The following NCOR1 variants were observed in gnomAD, a reference collection of about 807,000 sequenced individuals.
NCOR1 encodes nuclear receptor corepressor 1, also known as protein phosphatase 1, regulatory subunit 109.
NCOR1 carries 63 observed loss-of-function variants against 288.1 expected under a neutral mutation model. The observed-to-expected ratio is 0.22, with a 90% CI of 0.18 to 0.27. NCOR1 has a LOEUF of 0.27. Among genes scored for constraint, NCOR1 ranks in the 10% least tolerant of loss-of-function variants. NCOR1 has a pLI of 1.00. For synonymous variants in NCOR1, 1,007 were observed against 1,065.9 expected, an observed-to-expected ratio of 0.94 and a Z score of 1.08; for missense variants, 2,397 against 3,019.2, an observed-to-expected ratio of 0.79 and a Z score of 4.83.
intron 9 of NCOR1, among the ~76,000 whole-genome samples, chr17:16,148,914 T>C (rs915018756): frequency 6.6e-5 from 10 of 152,102 alleles, no homozygotes; most frequent in African/African-American, 1.2e-4. Flanking sequence ...GTAAAATTAG[T>C]ATAAACATAT....
chr17:16,138,277 A>C (rs2153252064), intron 12 of NCOR1, 65 bp from the exon 13 acceptor site: 1 of 1,382,120 alleles, frequency 7.2e-7, no homozygotes, highest in Non-Finnish European at 1.0e-6. Context: ...AAAAAAAAAA[A>C]CTTGGGAAAA....
chr17:16,046,927 G>A lies in NCOR1; in HGVS notation c.6679+24C>T, dbSNP rs545711756. On this transcript the variant is annotated intron_variant, in intron 42 of 45. Transcript: ENST00000268712. ...ATTATTAATGCATGTTTTATTTGGG[G>A]TTCATGAAAGAAATCCCACTTACCC... 14 of 1,610,790 alleles carry A rather than the reference G, an allele frequency of 8.7e-6. No individual in the cohort carries two copies. In the East Asian group the frequency reaches 3.1e-4, roughly 36 times the overall value.
At chr17:16,133,785 G>C (rs1200037081) in intron 14 of NCOR1, among the ~76,000 whole-genome samples, 1 of 152,090 alleles carries the variant, frequency 6.6e-6, no homozygotes, top group East Asian at 1.9e-4. Context: ...TCCTCCTTCA[G>C]TCATGCCTGT....
intron 2 of NCOR1, among the ~76,000 whole-genome samples, chr17:16,188,468 G>A (rs1259789029): frequency 6.6e-6 from 1 of 151,708 alleles, no homozygotes; most frequent in East Asian, 1.9e-4. Flanking sequence ...AAAATTAGCT[G>A]GGCGTGGTGG....
At chr17:16,181,903 A>T (rs1295825508) in intron 3 of NCOR1, among the ~76,000 whole-genome samples, 2 of 152,180 alleles carry the variant, frequency 1.3e-5, no homozygotes, top group African/African-American at 4.8e-5. Context: ...TCATGTCAAT[A>T]CTGAAAAAAG....
At chr17:16,103,383 T>C (rs188565023) in intron 19 of NCOR1, among the ~76,000 whole-genome samples, 1 of 152,372 alleles carries the variant, frequency 6.6e-6, no homozygotes, top group South Asian at 2.1e-4. Context: ...CTTCAGACCA[T>C]TCTTTACAAC....
chr17:16,178,516 AAAAAAG>A (rs1204339854), intron 3 of NCOR1, among the ~76,000 whole-genome samples: 3 of 150,392 alleles, frequency 2.0e-5, no homozygotes, highest in Non-Finnish European at 4.4e-5. Flanking sequence ...AAAAAAAAAA[AAAAAAG>A]AATAGAATAA....
Position 16,175,082 on chromosome 17 carries a change from G to C in NCOR1, c.243-3087C>G, listed in dbSNP as rs1335359339. Among the ~76,000 whole-genome samples, 6 of 151,792 alleles carry C rather than the reference G, an allele frequency of 4.0e-5. No individual in the cohort carries two copies. The East Asian group carries it at 1.2e-3, about 29-fold the overall frequency. On this transcript the variant is annotated intron_variant, in intron 3 of 45. Transcript: ENST00000268712. ...CAAATTTTCACATAAAGAAATCTTT[G>C]TAGGGCAAGATGCCGTGGCTCACGC...
In NCOR1 at chr17:16,034,854, C is replaced by T. The variant is rs775915024; in HGVS notation, c.7046G>A (p.Arg2349Gln). 2.5e-6 allele frequency: 4 copies of T among 1,614,034 alleles called. No individual in the cohort carries two copies. The highest frequency in any genetic ancestry group is 2.2e-5 in the South Asian group (2 of 91,078). ...ATGTACAGAGGAGACTGAAGAGGGCCGTTCCGTTCCTAAGTAGCCTTGCCC... is the reference window on the plus strand; with the variant it reads ...ATGTACAGAGGAGACTGAAGAGGGCTGTTCCGTTCCTAAGTAGCCTTGCCC... The part of the protein sequence containing the change: ...IPGQGYLGTE[R>Q]PSSVSSVHSE... The change falls in exon 45 of 46, where the codon CGG (arginine) becomes CAG (glutamine). Residue 2349 changes from arginine to glutamine, a missense_variant. Arg to Gln is a conservative substitution (Grantham distance 43). This residue lies in a region of NCOR1 where 1,872 missense variants were observed against 2,187.8 expected (regional missense o/e 0.86). Coordinates refer to ENST00000268712, the MANE Select transcript of NCOR1 (RefSeq NM_006311.4).
rs1484127981 is a variant in NCOR1, at chr17:16,029,223, CGTT to C, written c.*3070_*3072del. On this transcript the variant is annotated 3_prime_UTR_variant, in exon 46 of 46. Coordinates refer to ENST00000268712, the MANE Select transcript of NCOR1 (RefSeq NM_006311.4). ...TCCACAGTGACTCAGCTCATGGTCTCGTTGTTGGAAACACTAGGAGTTTTCAGG... is the reference window on the plus strand; with the variant it reads ...TCCACAGTGACTCAGCTCATGGTCTCGTTGGAAACACTAGGAGTTTTCAGG... 10 of 453,838 alleles carry C rather than the reference CGTT, an allele frequency of 2.2e-5. No individual in the cohort carries two copies. In the East Asian group the frequency reaches 3.5e-4, roughly 16 times the overall value. The allele number at this position is 453,838 out of a possible 1,614,324, so 28.1% of individuals were successfully genotyped here. A position where few individuals can be genotyped will look rare whatever the true frequency, so the allele number is the denominator to read the frequency against.
chr17:16,093,825 C>A (rs2065844923), intron 21 of NCOR1, among the ~76,000 whole-genome samples: 1 of 152,174 alleles, frequency 6.6e-6, no homozygotes, highest in South Asian at 2.1e-4. Context: ...AGAAGACACT[C>A]CCTCTTCTCC....
At chr17:16,071,985 A>G (rs2061811505) in intron 29 of NCOR1, among the ~76,000 whole-genome samples, 160 bp downstream of exon 29, 1 of 152,238 alleles carries the variant, frequency 6.6e-6, no homozygotes, top group South Asian at 2.1e-4. Flanking sequence ...TCATCTTCCA[A>G]TAAATTATGT....
At chr17:16,034,654 TG>T in intron 45 of NCOR1, 110 bp downstream of exon 45, 2 of 957,806 alleles carry the variant, frequency 2.1e-6, no homozygotes, top group Non-Finnish European at 1.6e-6. Context: ...GATACAGAAA[TG>T]GGAATATAGG....
chr17:16,034,933 T>G lies in NCOR1; in HGVS notation c.6967A>C (p.Lys2323Gln), dbSNP rs1420928188. The part of the protein sequence containing the change: ...DPSPHSGGVC[K>Q]PKLISKSNSR... ...TTTGACTTGCTGATCAGCTTTGGTTTGCAAACTCCTCCTGAAAGTGAAATT... is the reference window on the plus strand; with the variant it reads ...TTTGACTTGCTGATCAGCTTTGGTTGGCAAACTCCTCCTGAAAGTGAAATT... The change falls in exon 45 of 46, where the codon AAA becomes CAA. Residue 2323 changes from lysine to glutamine, a missense_variant. This residue lies in a region of NCOR1 where 1,872 missense variants were observed against 2,187.8 expected (regional missense o/e 0.86). Coordinates refer to ENST00000268712, the MANE Select transcript of NCOR1 (RefSeq NM_006311.4). 7 of 1,613,584 alleles carry G rather than the reference T, an allele frequency of 4.3e-6. No homozygotes were observed. The highest frequency in any genetic ancestry group is 5.9e-6 in the Non-Finnish European group (7 of 1,179,870).
At chr17:16,049,046 A>G in intron 40 of NCOR1, 58 bp from the exon 41 acceptor site, 1 of 1,467,850 alleles carries the variant, frequency 6.8e-7, no homozygotes, top group Non-Finnish European at 9.2e-7. Context: ...GGACTTACCT[A>G]AACAGAAACT....
chr17:16,101,167 CAT>C, intron 20 of NCOR1, 81 bp downstream of exon 20: 1 of 1,383,774 alleles, frequency 7.2e-7, no homozygotes. Flanking sequence ...ACATAGGAGA[CAT>C]GTCTGCAGCC....
chr17:16,185,241 G>A (rs922319431), intron 3 of NCOR1, among the ~76,000 whole-genome samples: 1 of 152,026 alleles, frequency 6.6e-6, no homozygotes, highest in Non-Finnish European at 1.5e-5. Context: ...AGTCGGTCCA[G>A]CCACAAAAGC....
intron 40 of NCOR1, among the ~76,000 whole-genome samples, chr17:16,050,116 A>T (rs2059136521): frequency 6.6e-6 from 1 of 151,956 alleles, no homozygotes; most frequent in South Asian, 2.1e-4. Context: ...TTGTAGAGAC[A>T]GGGGTCTCAC....
rs58712974 is a variant in NCOR1 at position 16,185,683 on chromosome 17, CAAAAAAAAAA to C, written c.242+861_242+870del. On this transcript the variant is annotated intron_variant, in intron 3 of 45. Coordinates refer to ENST00000268712, the MANE Select transcript of NCOR1 (RefSeq NM_006311.4). Reference sequence around the variant, plus strand: ...GGGTGACAAGAGTGAGACTCTTTCTCAAAAAAAAAAAAAAAAAAAAAAAAAAGAATTAACT... The same window carrying C: ...GGGTGACAAGAGTGAGACTCTTTCTCAAAAAAAAAAAAAAAAGAATTAACT... Among the ~76,000 whole-genome samples the C allele has an allele frequency of 5.5e-3, 182 of 33,388 alleles. 3 individuals are homozygous for C. Among genetic ancestry groups the C allele is most frequent in the Admixed American group, 4.5e-3 (9 of 1,982 alleles). The allele number at this position is 33,388 out of a possible 152,430, so 21.9% of individuals were successfully genotyped here. A position where few individuals can be genotyped will look rare whatever the true frequency, so the allele number is the denominator to read the frequency against.
Sources: gnomAD v4.1 joint callset for allele counts (sites outside exome capture counted in the v4.1 genomes callset) on GRCh38, gnomAD v4.1.1 for gene constraint, gnomAD v4.1.1 regional missense constraint, MANE v1.5 for transcripts, NCBI Gene and HGNC (gene_info 2026-07-23, HGNC 2026-07-21) for gene names.